The following ABLIM2 variants were observed in gnomAD, a reference collection of about 807,000 sequenced individuals.
ABLIM2 encodes actin-binding LIM protein 2.
Under a neutral mutation model 97.7 loss-of-function variants are expected in ABLIM2, and 53 were observed. That is an observed-to-expected ratio of 0.54 (90% CI 0.44 to 0.68). The LOEUF (loss-of-function observed/expected upper bound fraction) is 0.68. Among genes scored for constraint, ABLIM2 ranks in the 30% least tolerant of loss-of-function variants. The probability of loss-of-function intolerance (pLI) is 0.00; values close to 1 mark genes in which losing one functional copy is unlikely to be tolerated. For missense variants in ABLIM2, 835 were observed against 867.2 expected (o/e 0.96, Z 0.47); for synonymous variants, 361 against 345.8 (o/e 1.04, Z -0.49).
At chr4:8,111,751 C>G (rs1026476833) in intron 1 of ABLIM2, among the ~76,000 whole-genome samples, 1 of 151,992 alleles carries the variant, frequency 6.6e-6, no homozygotes, top group Non-Finnish European at 1.5e-5. Context: ...CATGGCAAAA[C>G]CCTGTTTCTA....
intron 17 of ABLIM2, among the ~76,000 whole-genome samples, chr4:7,987,005 CAG>C (rs1487426804): frequency 6.6e-6 from 1 of 151,978 alleles, no homozygotes; most frequent in Non-Finnish European, 1.5e-5. Flanking sequence ...TTTTAAGAGA[CAG>C]AGTCTGGCTC....
intron 1 of ABLIM2, among the ~76,000 whole-genome samples, chr4:8,118,722 G>A (rs1182626764): frequency 6.6e-6 from 1 of 152,146 alleles, no homozygotes; most frequent in Non-Finnish European, 1.5e-5. Flanking sequence ...ACCAGCCTGG[G>A]CTCCCACCAT....
rs1322189117 is a variant in ABLIM2 at position 8,090,175 on chromosome 4, C to T, written c.339-1891G>A. ...GGCTCTCCCATGCCCGTGTTGCCAC[C>T]GTGTCAATGCTATGGTCTGCTGCCA... On this transcript the variant is annotated intron_variant, in intron 3 of 20. Transcript: ENST00000447017. 5.3e-5 allele frequency among the ~76,000 whole-genome samples: 8 copies of T among 152,324 alleles called. No individual in the cohort carries two copies. In the East Asian group the frequency reaches 7.7e-4, roughly 15 times the overall value.
chr4:8,158,444 G>T (rs1716132619), intron 1 of ABLIM2, among the ~76,000 whole-genome samples: 1 of 152,112 alleles, frequency 6.6e-6, no homozygotes, highest in Non-Finnish European at 1.5e-5. Flanking sequence ...CAGCCACGCC[G>T]GCCGGCGCGC....
intron 20 of ABLIM2, among the ~76,000 whole-genome samples, chr4:7,973,112 T>TGTGTGTGTGTGTGTGTGTGTGTGG (rs1729570150): frequency 6.9e-6 from 1 of 145,956 alleles, no homozygotes; most frequent in Non-Finnish European, 1.5e-5. Flanking sequence ...TGTGTGTGTG[T>TGTGTGTGTGTGTGTGTGTGTGTGG]AGGGTGAGGG....
Position 8,077,669 on chromosome 4 carries a change from A to T in ABLIM2, c.634T>A (p.Cys212Ser). The T allele has an allele frequency of 6.2e-7, 1 of 1,613,160 alleles. No individual in the cohort carries two copies. Among genetic ancestry groups the T allele is most frequent in the Non-Finnish European group, 8.5e-7 (1 of 1,179,528 alleles). ...ADYHAKFGIR[C>S]DSCEKYITGR... Reference sequence around the variant, plus strand: ...GTGATGTATTTCTCACAGCTGTCACAGCGGATGCCGAACTTGGCGTGATAG... The same window carrying T: ...GTGATGTATTTCTCACAGCTGTCACTGCGGATGCCGAACTTGGCGTGATAG... The change falls in exon 6 of 21, where the codon TGT (cysteine) becomes AGT (serine). Residue 212 changes from cysteine (C) to serine (S), a missense_variant. Cys to Ser is a moderately radical substitution (Grantham distance 112). Coordinates refer to ENST00000447017, the MANE Select transcript of ABLIM2 (RefSeq NM_001130083.2).
intron 17 of ABLIM2, among the ~76,000 whole-genome samples, chr4:7,987,094 A>G (rs1744828648): frequency 6.6e-6 from 1 of 152,162 alleles, no homozygotes; most frequent in Non-Finnish European, 1.5e-5. Flanking sequence ...CTCCCACCTC[A>G]GCCTTCTGGG....
chr4:8,154,201 A>T (rs866215918), intron 1 of ABLIM2, among the ~76,000 whole-genome samples: 2 of 149,654 alleles, frequency 1.3e-5, no homozygotes, highest in South Asian at 4.2e-4. Context: ...TGACCTTGTG[A>T]TCCACCCGCC....
rs1401003640 is a variant in ABLIM2, at chr4:8,010,411, G to A, written c.1424-1309C>T. ...AAGACCCAGGCCTCAGGAAGGACAC[G>A]CCGAGGTGGGCTTCTTACCTGCAGC... is the stretch of plus-strand genomic sequence containing the variant. On this transcript the variant is annotated intron_variant, in intron 14 of 20. Transcript: ENST00000447017. The A allele has an allele frequency of 7.1e-6, 7 of 985,898 alleles. No homozygotes were observed. In the South Asian group the frequency reaches 2.3e-4, roughly 33 times the overall value. The allele number at this position is 985,898 out of a possible 1,614,324, so 61.1% of individuals were successfully genotyped here. A position where few individuals can be genotyped will look rare whatever the true frequency, so the allele number is the denominator to read the frequency against.
At chr4:8,098,123 C>T (rs768441679) in intron 2 of ABLIM2, among the ~76,000 whole-genome samples, 4 of 152,156 alleles carry the variant, frequency 2.6e-5, no homozygotes, top group Non-Finnish European at 5.9e-5. Context: ...CCAGGCCATG[C>T]ATGGTTTCAG....
rs899366192 is a variant in ABLIM2 at position 8,112,016 on chromosome 4, T to C, written c.11-5379A>G. ...CAGTTTCAAGATTGGCTCCAATAAT[T>C]TGGCTTAACAAGTCTCTAACTGTGA... is the stretch of plus-strand genomic sequence containing the variant. On this transcript the variant is annotated intron_variant, in intron 1 of 20. Coordinates refer to ENST00000447017, the MANE Select transcript of ABLIM2 (RefSeq NM_001130083.2). This position sits in a 1 kb window ranked among gnomAD's most constrained non-coding sequence, Gnocchi z 4.2. 1.3e-5 allele frequency among the ~76,000 whole-genome samples: 2 copies of C among 152,174 alleles called. No individual in the cohort carries two copies. The highest frequency in any genetic ancestry group is 1.3e-4 in the Admixed American group (2 of 15,274).
intron 6 of ABLIM2, among the ~76,000 whole-genome samples, chr4:8,076,154 G>A (rs981708059): frequency 6.6e-6 from 1 of 152,222 alleles, no homozygotes; most frequent in Non-Finnish European, 1.5e-5. Context: ...CTGGGGAAGT[G>A]AGACACAGTG....
In ABLIM2 at chr4:8,021,960, G is replaced by T. The variant is rs962335720; in HGVS notation, c.1268-1657C>A. The stretch of plus-strand genomic sequence containing the variant: ...GTGGCACCCTTGCTGGTCAGGTCAC[G>T]CTCGTCAGGATGCTCCACGGTGGAC... On this transcript the variant is annotated intron_variant, in intron 12 of 20. Coordinates refer to ENST00000447017, the MANE Select transcript of ABLIM2 (RefSeq NM_001130083.2). The surrounding 1 kb of genome is among the most constrained non-coding windows in gnomAD (Gnocchi z 5.5). 6.6e-6 allele frequency among the ~76,000 whole-genome samples: 1 copy of T among 152,130 alleles called. No homozygotes were observed. Among genetic ancestry groups the T allele is most frequent in the South Asian group, 2.1e-4 (1 of 4,828 alleles).
chr4:8,047,907 T>C (rs927691215), intron 8 of ABLIM2, among the ~76,000 whole-genome samples: 3 of 152,238 alleles, frequency 2.0e-5, no homozygotes, highest in Non-Finnish European at 4.4e-5. Context: ...CAGATGAACA[T>C]TGGGTGTTTT....
At chr4:7,978,561 G>T (rs979480409) in intron 20 of ABLIM2, among the ~76,000 whole-genome samples, 2 of 152,186 alleles carry the variant, frequency 1.3e-5, no homozygotes, top group Admixed American at 1.3e-4. Flanking sequence ...TGCCAGACCT[G>T]CTGGCTGAGC....
chr4:8,158,186 G>A (rs1188725709), intron 1 of ABLIM2, among the ~76,000 whole-genome samples: 2 of 152,242 alleles, frequency 1.3e-5, no homozygotes, highest in Non-Finnish European at 2.9e-5. Flanking sequence ...ATCTGCTGCG[G>A]AGAGTCCTGG....
chr4:7,993,069 TCAGTG>T, intron 16 of ABLIM2, 142 bp from the exon 17 acceptor site: 2 of 818,120 alleles, frequency 2.4e-6, no homozygotes, highest in Non-Finnish European at 4.0e-6. Context: ...ATGACCTGCC[TCAGTG>T]GTGACCTTCT....
chr4:8,026,758 A>G (rs765236242), intron 12 of ABLIM2, among the ~76,000 whole-genome samples: 2 of 152,242 alleles, frequency 1.3e-5, no homozygotes, highest in Non-Finnish European at 2.9e-5. Flanking sequence ...TGGAGGCTGC[A>G]CATCTCTGAG....
At chr4:7,967,887 G>A (rs1297950981) in intron 20 of ABLIM2, among the ~76,000 whole-genome samples, 1 of 152,202 alleles carries the variant, frequency 6.6e-6, no homozygotes, top group Non-Finnish European at 1.5e-5. Flanking sequence ...GTGGGTGCTG[G>A]CTGCATGTGT....
Sources: gnomAD v4.1 joint callset for allele counts (sites outside exome capture counted in the v4.1 genomes callset) on GRCh38, gnomAD v4.1.1 for gene constraint, Gnocchi (gnomAD v3.1) non-coding constraint, MANE v1.5 for transcripts, NCBI Gene and HGNC (gene_info 2026-07-23, HGNC 2026-07-21) for gene names.